The following FOXP2 variants were observed in gnomAD, a reference collection of about 807,000 sequenced individuals.
The protein encoded by FOXP2 is forkhead box P2.
A neutral mutation model predicts 115.8 loss-of-function variants in FOXP2; 12 were observed. The observed-to-expected ratio is 0.10, with a 90% CI of 0.07 to 0.17. FOXP2 has a LOEUF of 0.17. Ranked by LOEUF, FOXP2 falls within the 10% of genes least tolerant of loss-of-function variation. The pLI, the probability that FOXP2 is intolerant of heterozygous loss-of-function variation, is 1.00. For synonymous variants in FOXP2, 328 were observed against 297.7 expected (o/e 1.10, Z -1.05); for missense variants, 629 against 843.5 (o/e 0.75, Z 3.15).
At chr7:114,491,003 T>C (rs1797019162) in intron 2 of FOXP2, among the ~76,000 whole-genome samples, 1 of 152,202 alleles carries the variant, frequency 6.6e-6, no homozygotes, top group Non-Finnish European at 1.5e-5. Flanking sequence ...TGTTTTATAA[T>C]CCTTTGGGTA....
intron 1 of FOXP2, among the ~76,000 whole-genome samples, chr7:114,235,763 G>T (rs1208908864): frequency 1.3e-5 from 2 of 152,126 alleles, no homozygotes; most frequent in Non-Finnish European, 1.5e-5. Context: ...ATTTTGGCTG[G>T]TGGGACTCTT....
chr7:114,529,951 C>G (rs1011242973), intron 2 of FOXP2, among the ~76,000 whole-genome samples: 3 of 151,872 alleles, frequency 2.0e-5, no homozygotes, highest in Non-Finnish European at 4.4e-5. Flanking sequence ...GAAAATTAAA[C>G]TCTGTTTGAA....
intron 2 of FOXP2, among the ~76,000 whole-genome samples, chr7:114,528,801 G>A (rs1052438518): frequency 5.3e-5 from 8 of 151,576 alleles, no homozygotes; most frequent in Non-Finnish European, 1.0e-4. Context: ...TAAGGTATGT[G>A]TAAAACAAAA....
chr7:114,099,816 A>G (rs1044404384), intron 1 of FOXP2, among the ~76,000 whole-genome samples: 2 of 152,176 alleles, frequency 1.3e-5, no homozygotes, highest in African/African-American at 4.8e-5. Flanking sequence ...ATACAAAGTC[A>G]CAGATACGTA....
intron 3 of FOXP2, among the ~76,000 whole-genome samples, chr7:114,589,308 T>G (rs753045221): frequency 2.0e-5 from 3 of 152,134 alleles, no homozygotes; most frequent in Non-Finnish European, 1.5e-5. Context: ...ATTAATATGA[T>G]TAGTATGTGA....
intron 2 of FOXP2, among the ~76,000 whole-genome samples, chr7:114,488,972 A>T (rs1027477337): frequency 3.3e-5 from 5 of 152,292 alleles, no homozygotes; most frequent in Non-Finnish European, 4.4e-5. Flanking sequence ...AAAAATAAAG[A>T]ATAAAACCCA....
intron 2 of FOXP2, among the ~76,000 whole-genome samples, chr7:114,292,146 C>T (rs1584612867): frequency 6.6e-6 from 1 of 151,068 alleles, no homozygotes; most frequent in African/African-American, 2.4e-5. Context: ...GTTCTGTTGG[C>T]TGGAATCAAG....
intron 2 of FOXP2, among the ~76,000 whole-genome samples, chr7:114,334,931 C>CTATATATATATATATATATATATA (rs144511332): frequency 6.7e-5 from 8 of 119,322 alleles, no homozygotes; most frequent in East Asian, 6.0e-4. Context: ...ATATAGAAAT[C>CTATATATATATATATATATATATA]TATATATATA....
intron 1 of FOXP2, among the ~76,000 whole-genome samples, chr7:114,138,713 A>G (rs1056039158): frequency 2.6e-5 from 4 of 151,992 alleles, no homozygotes; most frequent in African/African-American, 9.7e-5. Flanking sequence ...ATCATGAGAA[A>G]AACATCAGAC....
chr7:114,496,322 A>T (rs896708717), intron 2 of FOXP2, among the ~76,000 whole-genome samples: 3 of 152,164 alleles, frequency 2.0e-5, no homozygotes, highest in African/African-American at 7.2e-5. Flanking sequence ...AAAAATATTA[A>T]TTGTACATGC....
chr7:114,183,971 T>C (rs1210583901), intron 1 of FOXP2, among the ~76,000 whole-genome samples: 1 of 152,174 alleles, frequency 6.6e-6, no homozygotes, highest in Non-Finnish European at 1.5e-5. Flanking sequence ...ACATGAATAT[T>C]GGAATTAACT....
intron 3 of FOXP2, among the ~76,000 whole-genome samples, chr7:114,541,394 A>C (rs1235364337): frequency 6.6e-6 from 1 of 152,026 alleles, no homozygotes; most frequent in Non-Finnish European, 1.5e-5. Flanking sequence ...TTAGCATTGG[A>C]TTTATTAAGG....
intron 3 of FOXP2, among the ~76,000 whole-genome samples, chr7:114,618,002 C>T (rs769037685): frequency 7.2e-5 from 11 of 152,160 alleles, no homozygotes; most frequent in Non-Finnish European, 1.0e-4. Flanking sequence ...CTAGGGAAGA[C>T]GTTTAACATT....
intron 6 of FOXP2, among the ~76,000 whole-genome samples, chr7:114,638,690 C>A (rs1042172680): frequency 6.6e-6 from 1 of 152,152 alleles, no homozygotes; most frequent in Non-Finnish European, 1.5e-5. Flanking sequence ...TCAAAAACTA[C>A]TAATGCCTGT....
At chr7:114,119,727 A>G (rs2129143483) in intron 1 of FOXP2, among the ~76,000 whole-genome samples, 1 of 152,288 alleles carries the variant, frequency 6.6e-6, no homozygotes, top group Admixed American at 6.5e-5. Flanking sequence ...AAAGTAATTC[A>G]TATTTTCATC....
rs148151651 is a variant in FOXP2, at chr7:114,328,471, C to T, written c.-11+40362C>T. Among the ~76,000 whole-genome samples the T allele has an allele frequency of 2.7e-3, 411 of 151,796 alleles. 3 individuals carry two copies. The highest frequency in any genetic ancestry group is 9.5e-3 in the African/African-American group (395 of 41,398). On this transcript the variant is annotated intron_variant, in intron 2 of 17. Transcript: ENST00000634411. Reference sequence around the variant, plus strand: ...CAGGATGGTCTTTTTCTCCTGACCTCGTGATCCGCCTGCCTCGGCCTCCCA... The same window carrying T: ...CAGGATGGTCTTTTTCTCCTGACCTTGTGATCCGCCTGCCTCGGCCTCCCA...
chr7:114,088,535 T>G (rs1799474828), intron 1 of FOXP2, among the ~76,000 whole-genome samples: 1 of 152,262 alleles, frequency 6.6e-6, no homozygotes, highest in East Asian at 1.9e-4. Flanking sequence ...AAAGTTTGCC[T>G]GTAAGGCATA....
Position 114,099,279 on chromosome 7 carries a change from A to G in FOXP2, c.-247+11441A>G, listed in dbSNP as rs887638390. On this transcript the variant is annotated intron_variant, in intron 1 of 19. Coordinates refer to the FOXP2 transcript ENST00000635638. ...CAACAGGTATATGAAAAGGTGCCCAACATGATAAATTATCAGGGAAATGCA... is the reference window on the plus strand; with the variant it reads ...CAACAGGTATATGAAAAGGTGCCCAGCATGATAAATTATCAGGGAAATGCA... Among the ~76,000 whole-genome samples the G allele has an allele frequency of 2.0e-5, 3 of 152,224 alleles. No individual in the cohort carries two copies. The East Asian group carries it at 5.8e-4, about 29-fold the overall frequency.
intron 3 of FOXP2, among the ~76,000 whole-genome samples, chr7:114,547,399 G>T (rs1412588831): frequency 6.6e-6 from 1 of 151,900 alleles, no homozygotes; most frequent in African/African-American, 2.4e-5. Context: ...ATGCCACTAC[G>T]TATCAATGAT....
Sources: allele counts gnomAD v4.1 joint callset (sites outside exome capture counted in the v4.1 genomes callset), GRCh38; gene constraint gnomAD v4.1.1; transcripts MANE v1.5; gene names NCBI Gene and HGNC (gene_info 2026-07-23, HGNC 2026-07-21).